Variants in TNRC6C observed in about 807,000 individuals in gnomAD.
The protein encoded by TNRC6C is trinucleotide repeat containing adaptor 6C.
TNRC6C carries 20 observed loss-of-function variants against 153.7 expected under a neutral mutation model. That is an observed-to-expected ratio of 0.13 (90% CI 0.09 to 0.19). The LOEUF (loss-of-function observed/expected upper bound fraction) is 0.19, where lower values mean the gene tolerates loss of function less well. Among genes scored for constraint, TNRC6C ranks in the 10% least tolerant of loss-of-function variants. TNRC6C has a pLI of 1.00. For missense variants in TNRC6C, 1,987 were observed against 2,172.0 expected, an observed-to-expected ratio of 0.91 and a Z score of 1.69; for synonymous variants, 811 against 841.4, an observed-to-expected ratio of 0.96 and a Z score of 0.63.
At chr17:78,082,921 G>A in intron 10 of TNRC6C, 126 bp from the exon 13 acceptor site, 1 of 1,069,814 alleles carries the variant, frequency 9.3e-7, no homozygotes. Flanking sequence ...TTATTCCATA[G>A]CAGTAGTTTC....
chr17:78,034,325 G>A (rs1359260380), intron 2 of TNRC6C, among the ~76,000 whole-genome samples: 1 of 152,070 alleles, frequency 6.6e-6, no homozygotes, highest in Non-Finnish European at 1.5e-5. Context: ...CCAAAGTGCT[G>A]TGATTCCAGG....
At chr17:78,004,202 G>A (rs1340727998), upstream of TNRC6C, 5 of 1,231,344 alleles carry the variant, frequency 4.1e-6, no homozygotes, top group African/African-American at 3.1e-5. Context: ...GAAGAGGAAC[G>A]TTTGATGGAA....
chr17:77,988,055 A>G (rs2071196918), intron 1 of TNRC6C, among the ~76,000 whole-genome samples: 1 of 151,888 alleles, frequency 6.6e-6, no homozygotes, highest in South Asian at 2.1e-4. Flanking sequence ...CCAATTAGAA[A>G]TATTTATCAG....
chr17:77,957,854 G>C (rs547601478), upstream of TNRC6C, among the ~76,000 whole-genome samples: 118 of 152,374 alleles, frequency 7.7e-4, no homozygotes, highest in Non-Finnish European at 1.4e-3. Context: ...CGGAGCACCG[G>C]GGAGGAATCG....
chr17:78,067,781 G>A lies in TNRC6C; in HGVS notation c.2636G>A (p.Trp879Ter). ...GCTTCAAAATCTATGCAAGAAGGCT[G>A]GGGCAGTGGTGGGGATGAAATGAAC... The change falls in exon 5 of 20, where the codon TGG becomes TAG. Residue 879 changes from tryptophan (W) to a stop codon, truncating the protein, a stop_gained. Coordinates refer to ENST00000301624, the Ensembl canonical transcript of TNRC6C. LOFTEE classifies it high-confidence loss of function. The A allele has an allele frequency of 6.2e-7, 1 of 1,612,040 alleles. No homozygotes were observed. Among genetic ancestry groups the A allele is most frequent in the Non-Finnish European group, 8.5e-7 (1 of 1,179,108 alleles).
At chr17:78,081,777 C>T (rs60783600) in intron 10 of TNRC6C, among the ~76,000 whole-genome samples, 1 of 152,184 alleles carries the variant, frequency 6.6e-6, no homozygotes, top group Admixed American at 6.6e-5. Flanking sequence ...AGCAGTTAGT[C>T]TTCCCCACAC....
chr17:78,059,466 G>A (rs16970774), intron 3 of TNRC6C, among the ~76,000 whole-genome samples: 15,430 of 152,202 alleles, frequency 0.1, 871 homozygotes, highest in East Asian at 0.18. Context: ...GTGCAAGTCC[G>A]TGGCGTGAGA....
In TNRC6C at chr17:78,104,365, A is replaced by T; in HGVS notation, c.4713-120A>T. The stretch of plus-strand genomic sequence containing the variant: ...GTCTGGGTTTGGAAATAGCAGTGGC[A>T]AAACAGAAGCCACAGGATGGCTTCC... On this transcript the variant is annotated intron_variant, in intron 19 of 19. Transcript: ENST00000301624. This position sits in a 1 kb window ranked among gnomAD's most constrained non-coding sequence, Gnocchi z 6.2. 1 of 1,362,464 alleles carries T rather than the reference A, an allele frequency of 7.3e-7. No individual in the cohort carries two copies. The allele number at this position is 1,362,464 out of a possible 1,614,324, so 84.4% of individuals were successfully genotyped here.
intron 1 of TNRC6C, among the ~76,000 whole-genome samples, chr17:77,961,899 T>G (rs148872110): frequency 4.1e-4 from 62 of 152,318 alleles, no homozygotes; most frequent in African/African-American, 1.4e-3. Context: ...TGAGATACAT[T>G]TGTGCTTTTC....
chr17:77,963,219 C>T (rs760866847), intron 1 of TNRC6C, among the ~76,000 whole-genome samples: 3 of 152,152 alleles, frequency 2.0e-5, no homozygotes, highest in Non-Finnish European at 4.4e-5. Context: ...TCAGAAATAA[C>T]TATATAACCT....
intron 1 of TNRC6C, among the ~76,000 whole-genome samples, chr17:78,019,682 A>AT (rs1255814850): frequency 6.6e-6 from 1 of 152,240 alleles, no homozygotes; most frequent in Non-Finnish European, 1.5e-5. Context: ...AATGGTTGCT[A>AT]TCTTAATATT....
exon 16 of TNRC6C, chr17:78,093,726 C>T (rs1459982946): frequency 6.2e-7 from 1 of 1,613,876 alleles, no homozygotes; most frequent in Non-Finnish European, 8.5e-7. Flanking sequence ...TCAACACCAC[C>T]ATCCAGGATG....
At chr17:78,060,235 C>T (rs1043587648) in intron 3 of TNRC6C, among the ~76,000 whole-genome samples, 1 of 152,076 alleles carries the variant, frequency 6.6e-6, no homozygotes, top group Non-Finnish European at 1.5e-5. Context: ...GTACAAAGAC[C>T]CATCTTGATT....
chr17:78,038,678 CAAAAAA>C (rs751760738), intron 2 of TNRC6C, among the ~76,000 whole-genome samples: 5 of 61,252 alleles, frequency 8.2e-5, no homozygotes, highest in African/African-American at 2.1e-4. Context: ...GACTCCGTGT[CAAAAAA>C]AAAAAAAAAA....
intron 2 of TNRC6C, among the ~76,000 whole-genome samples, chr17:78,043,859 C>A (rs79742338): frequency 6.6e-6 from 1 of 152,158 alleles, no homozygotes; most frequent in South Asian, 2.1e-4. Context: ...AACATAGTGA[C>A]CTCCAGTTCC....
At position 78,075,022 on chromosome 17, in the gene TNRC6C, T is replaced by G; in HGVS notation, c.2918-114T>G. 1.9e-5 allele frequency: 25 copies of G among 1,303,758 alleles called. No individual in the cohort carries two copies. The highest frequency in any genetic ancestry group is 2.6e-5 in the Non-Finnish European group (25 of 953,516). 80.8% of individuals were successfully genotyped at this position (1,303,758 alleles called of 1,614,324 possible). A position where few individuals can be genotyped will look rare whatever the true frequency, so the allele number is the denominator to read the frequency against. On this transcript the variant is annotated intron_variant, in intron 7 of 19. Transcript: ENST00000301624. This position sits in a 1 kb window ranked among gnomAD's most constrained non-coding sequence, Gnocchi z 4.2. Reference sequence around the variant, plus strand: ...GCTCTCTCTGCCCCTGGCTTCCCTGTGTTTGAAGGGGTGGAGGGTCTCCAT... The same window carrying G: ...GCTCTCTCTGCCCCTGGCTTCCCTGGGTTTGAAGGGGTGGAGGGTCTCCAT...
intron 1 of TNRC6C, among the ~76,000 whole-genome samples, chr17:77,978,243 TAAAAC>T (rs1183558652): frequency 6.6e-6 from 1 of 152,148 alleles, no homozygotes; most frequent in Non-Finnish European, 1.5e-5. Flanking sequence ...AACAGCATAT[TAAAAC>T]AATAGAATAG....
chr17:77,975,901 T>G (rs2070991242), intron 1 of TNRC6C, among the ~76,000 whole-genome samples: 1 of 152,248 alleles, frequency 6.6e-6, no homozygotes, highest in African/African-American at 2.4e-5. Context: ...GTCTTTATTT[T>G]TCTCATTCCA....
At chr17:78,050,762 A>C in exon 3 of TNRC6C, 1 of 1,598,722 alleles carries the variant, frequency 6.3e-7, no homozygotes, top group Non-Finnish European at 8.5e-7. Flanking sequence ...CAGGAGGACA[A>C]GTCACCCACC....
Sources: allele counts gnomAD v4.1 joint callset (sites outside exome capture counted in the v4.1 genomes callset), GRCh38; gene constraint gnomAD v4.1.1; non-coding constraint Gnocchi (gnomAD v3.1); transcripts MANE v1.5; gene names NCBI Gene and HGNC (gene_info 2026-07-23, HGNC 2026-07-21).